The following EIF2AK1 variants were observed in gnomAD, a reference collection of about 807,000 sequenced individuals.
EIF2AK1 encodes eukaryotic translation initiation factor 2 alpha kinase 1, also known as eukaryotic translation initiation factor 2-alpha kinase 1.
A neutral mutation model predicts 77.9 loss-of-function variants in EIF2AK1; 54 were observed. The observed-to-expected ratio is 0.69, with a 90% confidence interval of 0.56 to 0.87. EIF2AK1 has a LOEUF of 0.87. Among genes scored for constraint, EIF2AK1 ranks in the 40% least tolerant of loss-of-function variants. The probability of loss-of-function intolerance (pLI) is 0.00; values close to 1 mark genes in which losing one functional copy is unlikely to be tolerated. For missense variants in EIF2AK1, 810 were observed against 768.6 expected, an observed-to-expected ratio of 1.05 and a Z score of -0.64; for synonymous variants, 314 against 290.5, an observed-to-expected ratio of 1.08 and a Z score of -0.82.
chr7:6,054,600 G>T lies in EIF2AK1; in HGVS notation c.223C>A (p.His75Asn), dbSNP rs771597991. The change falls in exon 2 of 15, where the codon CAC becomes AAC. Residue 75 changes from histidine to asparagine, a missense_variant. This residue lies in a region of EIF2AK1 where 246 missense variants were observed against 199.0 expected (regional missense o/e 1.24). Transcript: ENST00000199389. The part of the protein sequence containing the change: ...NQLLLVSLLE[H>N]LSHVHEPNPL... Reference sequence around the variant, plus strand: ...TTTGGTTCATGCACGTGGCTCAAGTGCTCCAGCAAAGAAACCAGCAAGAGT... The same window carrying T: ...TTTGGTTCATGCACGTGGCTCAAGTTCTCCAGCAAAGAAACCAGCAAGAGT... 1 of 1,614,114 alleles carries T rather than the reference G, an allele frequency of 6.2e-7. No homozygotes were observed. The highest frequency in any genetic ancestry group is 1.3e-5 in the African/African-American group (1 of 75,032).
chr7:6,056,391 A>T (rs555731185), intron 1 of EIF2AK1, among the ~76,000 whole-genome samples: 142 of 149,974 alleles, frequency 9.5e-4, no homozygotes, highest in Non-Finnish European at 1.5e-3. Context: ...TCAGGAGTTC[A>T]AGACCAGCCT....
In EIF2AK1 at chr7:6,050,049, T is replaced by C; in HGVS notation, c.278-4A>G. 6.3e-7 allele frequency: 1 copy of C among 1,592,842 alleles called. No individual in the cohort carries two copies. The highest frequency in any genetic ancestry group is 8.5e-7 in the Non-Finnish European group (1 of 1,173,698). ...TTGATAAACGTCTGGCAAAGTACTA[T>C]AAAAAGAATATGAAAAACTATTATT... On this transcript the variant is annotated splice_polypyrimidine_tract_variant and splice_region_variant and intron_variant, in intron 2 of 14. Transcript: ENST00000199389.
rs1286564644 is a variant in EIF2AK1 at position 6,025,825 on chromosome 7, G to T, written c.1764+903C>A. Among the ~76,000 whole-genome samples, 8 of 151,934 alleles carry T rather than the reference G, an allele frequency of 5.3e-5. No individual in the cohort carries two copies. The East Asian group carries it at 1.6e-3, about 29-fold the overall frequency. On this transcript the variant is annotated intron_variant, in intron 14 of 14. Coordinates refer to ENST00000199389, the MANE Select transcript of EIF2AK1 (RefSeq NM_014413.4). ...AATTTTTGTACTTTTAGTAGATGGG[G>T]TTTCACCATGTTGGCCGGGCTGGTC...
chr7:6,033,345 T>C lies in EIF2AK1; in HGVS notation c.1332+4079A>G, dbSNP rs1266824335. Among the ~76,000 whole-genome samples, 3 of 152,218 alleles carry C rather than the reference T, an allele frequency of 2.0e-5. No homozygotes were observed. The highest frequency in any genetic ancestry group is 3.2e-3 in the Middle Eastern group (1 of 316). On this transcript the variant is annotated intron_variant, in intron 11 of 14. Transcript: ENST00000199389. This position sits in a 1 kb window ranked among gnomAD's most constrained non-coding sequence, Gnocchi z 4.4. ...TCAGTTCATACATTTTTTCCACTTA[T>C]GTTTGGACTTGTTCGTTCTTATGAA... is the stretch of plus-strand genomic sequence containing the variant.
At chr7:6,056,249 A>G (rs1400931181) in intron 1 of EIF2AK1, among the ~76,000 whole-genome samples, 1 of 127,304 alleles carries the variant, frequency 7.9e-6, no homozygotes, top group African/African-American at 3.0e-5. Flanking sequence ...GCCGAGATCC[A>G]GCCATTGCAC....
intron 2 of EIF2AK1, among the ~76,000 whole-genome samples, chr7:6,052,090 T>G (rs1335735110): frequency 6.7e-6 from 1 of 149,880 alleles, no homozygotes; most frequent in Non-Finnish European, 1.5e-5. Context: ...GAGAATCGCT[T>G]GAACCCAGAA....
chr7:6,031,449 C>A (rs763560121), intron 11 of EIF2AK1: 90 of 1,550,716 alleles, frequency 5.8e-5, no homozygotes, highest in Non-Finnish European at 7.4e-5. Flanking sequence ...GATGGCCCAT[C>A]TGCAGCACTT....
intron 11 of EIF2AK1, among the ~76,000 whole-genome samples, chr7:6,029,275 G>A (rs565504499): frequency 3.4e-4 from 52 of 152,110 alleles, no homozygotes; most frequent in African/African-American, 1.2e-3. Context: ...TGAGGCAGGC[G>A]GATCACCTGA....
intron 9 of EIF2AK1, among the ~76,000 whole-genome samples, chr7:6,040,136 G>A (rs116961647): frequency 0.01 from 1,566 of 151,354 alleles, 21 homozygotes; most frequent in Non-Finnish European, 0.015. Flanking sequence ...GCTGGAGTAC[G>A]GTGCCTCCCG....
At chr7:6,058,685 T>C (rs967006655) in intron 1 of EIF2AK1, among the ~76,000 whole-genome samples, 7 of 152,222 alleles carry the variant, frequency 4.6e-5, no homozygotes, top group African/African-American at 1.4e-4. Flanking sequence ...GCCTCGGGGA[T>C]GTCCCCAGCC....
At position 6,035,977 on chromosome 7, in the gene EIF2AK1, A is replaced by G; in HGVS notation, c.1332+1447T>C. On this transcript the variant is annotated intron_variant, in intron 11 of 14. Transcript: ENST00000199389. The surrounding 1 kb of genome is among the most constrained non-coding windows in gnomAD (Gnocchi z 5.5). ...GACTACAAGGGCCAAACAGCCATCC[A>G]TGAGGCATGCTTTGGAGGCAGAGAG... is the stretch of plus-strand genomic sequence containing the variant. The G allele has an allele frequency of 6.4e-7, 1 of 1,550,690 alleles. No homozygotes were observed. Among genetic ancestry groups the G allele is most frequent in the Non-Finnish European group, 8.7e-7 (1 of 1,146,850 alleles).
At chr7:6,048,951 T>A (rs878979534) in intron 3 of EIF2AK1, 107 bp from the exon 4 acceptor site, 2 of 704,876 alleles carry the variant, frequency 2.8e-6, no homozygotes, top group Non-Finnish European at 4.7e-6. Context: ...ATAAACAATA[T>A]TTTAAAAACC....
At chr7:6,038,358 C>A (rs926697796) in intron 10 of EIF2AK1, among the ~76,000 whole-genome samples, 3 of 152,054 alleles carry the variant, frequency 2.0e-5, no homozygotes, top group African/African-American at 7.2e-5. Flanking sequence ...TCGCTTGAGC[C>A]AGGGAGGCCA....
At chr7:6,028,816 C>G (rs937368583) in intron 12 of EIF2AK1, 102 bp downstream of exon 12, 2 of 1,392,798 alleles carry the variant, frequency 1.4e-6, no homozygotes, top group African/African-American at 1.4e-5. Context: ...GTATCTTTAT[C>G]TTACCTTTGC....
Position 6,023,440 on chromosome 7 carries a change from G to C in EIF2AK1, c.*1233C>G. The C allele has an allele frequency of 1.2e-6, 2 of 1,614,200 alleles. No individual in the cohort carries two copies. The highest frequency in any genetic ancestry group is 1.7e-6 in the Non-Finnish European group (2 of 1,180,018). ...CGCAACCCTTATAGATAGCTGGGTA[G>C]ATATTGCGATTTTTCAGTTAAAAGA... On this transcript the variant is annotated 3_prime_UTR_variant, in exon 15 of 15. Coordinates refer to ENST00000199389, the MANE Select transcript of EIF2AK1 (RefSeq NM_014413.4).
chr7:6,025,153 T>C (rs2128884184), intron 14 of EIF2AK1, among the ~76,000 whole-genome samples: 1 of 152,146 alleles, frequency 6.6e-6, no homozygotes, highest in Middle Eastern at 3.4e-3. Flanking sequence ...TTTCATTTTA[T>C]ACAAAAAACT....
At chr7:6,047,259 C>A in intron 4 of EIF2AK1, 168 bp from the exon 5 acceptor site, 1 of 749,638 alleles carries the variant, frequency 1.3e-6, no homozygotes. Flanking sequence ...ATGAAGAAAA[C>A]AAAATCAGGT....
At chr7:6,055,173 T>C (rs1788714363) in intron 1 of EIF2AK1, among the ~76,000 whole-genome samples, 1 of 151,672 alleles carries the variant, frequency 6.6e-6, no homozygotes, top group African/African-American at 2.4e-5. Context: ...AGCAACACCA[T>C]CTCTACTAAA....
intron 10 of EIF2AK1, 114 bp from the exon 11 acceptor site, chr7:6,037,638 G>A (rs2302333): frequency 5.8e-6 from 4 of 689,162 alleles, no homozygotes; most frequent in Non-Finnish European, 1.0e-5. Flanking sequence ...GAACAATCTA[G>A]ATTTTCAACA....
Sources: allele counts gnomAD v4.1 joint callset (sites outside exome capture counted in the v4.1 genomes callset), GRCh38; gene constraint gnomAD v4.1.1; regional missense constraint gnomAD v4.1.1; non-coding constraint Gnocchi (gnomAD v3.1); transcripts MANE v1.5; gene names NCBI Gene and HGNC (gene_info 2026-07-23, HGNC 2026-07-21).